The following RALGPS2 variants were observed in gnomAD, a reference collection of about 807,000 sequenced individuals.
The protein encoded by RALGPS2 is ras-specific guanine nucleotide-releasing factor RalGPS2.
RALGPS2 carries 43 observed loss-of-function variants against 86.8 expected under a neutral mutation model. The ratio of observed to expected loss-of-function variants is 0.50; its 90% confidence interval spans 0.39 to 0.64. RALGPS2 has a LOEUF of 0.64. Among genes scored for constraint, RALGPS2 ranks in the 30% least tolerant of loss-of-function variants. The pLI is 0.00. For missense variants in RALGPS2, 536 were observed against 694.6 expected (o/e 0.77, Z 2.57); for synonymous variants, 243 against 231.3 (o/e 1.05, Z -0.46).
At chr1:178,728,876 C>G (rs1157885309) in intron 1 of RALGPS2, among the ~76,000 whole-genome samples, 1 of 152,046 alleles carries the variant, frequency 6.6e-6, no homozygotes, top group Non-Finnish European at 1.5e-5. Flanking sequence ...GTTACATTTA[C>G]CTATTCTATG....
At chr1:178,770,474 TG>T (rs1434158721) in intron 1 of RALGPS2, among the ~76,000 whole-genome samples, 1 of 151,928 alleles carries the variant, frequency 6.6e-6, no homozygotes, top group Non-Finnish European at 1.5e-5. Flanking sequence ...ACTGTTTTCC[TG>T]AAATATTTAA....
At chr1:178,909,414 T>C (rs944300538) in intron 19 of RALGPS2, among the ~76,000 whole-genome samples, 1 of 152,044 alleles carries the variant, frequency 6.6e-6, no homozygotes, top group Non-Finnish European at 1.5e-5. Context: ...TTGTTGTTGT[T>C]GTTGTTGTTG....
At chr1:178,860,985 TGTA>T (rs1262314594) in intron 8 of RALGPS2, among the ~76,000 whole-genome samples, 13 of 152,104 alleles carry the variant, frequency 8.5e-5, no homozygotes, top group African/African-American at 3.1e-4. Flanking sequence ...TGTTGTTGCT[TGTA>T]GTAATTTAAT....
intron 8 of RALGPS2, among the ~76,000 whole-genome samples, chr1:178,836,721 C>G (rs1656288653): frequency 6.6e-6 from 1 of 152,152 alleles, no homozygotes; most frequent in Non-Finnish European, 1.5e-5. Context: ...CTTACTCTAC[C>G]TTTGTCTCTT....
intron 1 of RALGPS2, among the ~76,000 whole-genome samples, chr1:178,743,956 A>T (rs1330016066): frequency 6.6e-6 from 1 of 152,218 alleles, no homozygotes; most frequent in Non-Finnish European, 1.5e-5. Flanking sequence ...GACCAGTTCT[A>T]TACAAACACT....
intron 1 of RALGPS2, chr1:178,747,651 C>G (rs566021527): frequency 1.3e-6 from 2 of 1,548,742 alleles, no homozygotes; most frequent in African/African-American, 1.4e-5. Flanking sequence ...TATAATCATT[C>G]TCAGCATTTT....
At chr1:178,786,493 A>G (rs77798909) in intron 4 of RALGPS2, among the ~76,000 whole-genome samples, 1,764 of 152,104 alleles carry the variant, frequency 0.012, 49 homozygotes, top group African/African-American at 0.04. Flanking sequence ...TTATGCATCT[A>G]TCCACTATAA....
At chr1:178,756,674 A>G (rs1403352716) in intron 1 of RALGPS2, among the ~76,000 whole-genome samples, 1 of 152,152 alleles carries the variant, frequency 6.6e-6, no homozygotes, top group Admixed American at 6.5e-5. Flanking sequence ...ATTTTAGAGT[A>G]GTTTTTTTCT....
At chr1:178,767,042 G>GT (rs1463860750) in intron 1 of RALGPS2, among the ~76,000 whole-genome samples, 3 of 152,166 alleles carry the variant, frequency 2.0e-5, no homozygotes, top group African/African-American at 7.2e-5. Context: ...CTTGAAGTGA[G>GT]TTTTTCAGTT....
At chr1:178,755,505 G>A (rs1021220556) in intron 1 of RALGPS2, among the ~76,000 whole-genome samples, 1 of 152,114 alleles carries the variant, frequency 6.6e-6, no homozygotes, top group Non-Finnish European at 1.5e-5. Context: ...ATGTTGCTGC[G>A]AAGGACATGA....
Position 178,916,532 on chromosome 1 carries a change from C to T in RALGPS2, c.*173C>T, listed in dbSNP as rs903161353. ...ATTTCAGGGAATGATTTGAGATATT[C>T]CCAGAGAACAAATTGGAGTTGCAAA... On this transcript the variant is annotated 3_prime_UTR_variant, in exon 20 of 20. Coordinates refer to ENST00000367635, the MANE Select transcript of RALGPS2 (RefSeq NM_152663.5). 19 of 590,770 alleles carry T rather than the reference C, an allele frequency of 3.2e-5. No individual in the cohort carries two copies. The highest frequency in any genetic ancestry group is 1.0e-4 in the Admixed American group (3 of 29,024). 36.6% of individuals were successfully genotyped at this position (590,770 alleles called of 1,614,324 possible).
At chr1:178,727,715 C>G (rs773477309) in intron 1 of RALGPS2, among the ~76,000 whole-genome samples, 12 of 152,130 alleles carry the variant, frequency 7.9e-5, no homozygotes, top group Non-Finnish European at 1.5e-4. Context: ...TGTCCTGTTG[C>G]AACTTAAAAC....
chr1:178,857,044 A>T (rs753069804), intron 8 of RALGPS2, among the ~76,000 whole-genome samples: 2 of 152,192 alleles, frequency 1.3e-5, no homozygotes, highest in Non-Finnish European at 2.9e-5. Flanking sequence ...AGAAACATGC[A>T]TTGTAGTCAA....
At chr1:178,867,443 A>G (rs1471892623) in intron 8 of RALGPS2, among the ~76,000 whole-genome samples, 1 of 152,104 alleles carries the variant, frequency 6.6e-6, no homozygotes, top group Admixed American at 6.6e-5. Flanking sequence ...ATTTGCATTT[A>G]TAACACTGAA....
chr1:178,893,759 A>G (rs1478791928), intron 15 of RALGPS2, 160 bp from the exon 16 acceptor site: 16 of 520,626 alleles, frequency 3.1e-5, no homozygotes, highest in Non-Finnish European at 5.0e-5. Flanking sequence ...ACAGCTTATA[A>G]ATTTCAAGAT....
At chr1:178,844,908 G>A (rs564307277) in intron 8 of RALGPS2, among the ~76,000 whole-genome samples, 73 of 152,144 alleles carry the variant, frequency 4.8e-4, no homozygotes, top group African/African-American at 1.6e-3. Context: ...GGCTAGGTGC[G>A]GTGGTTCATG....
chr1:178,789,068 C>T (rs1345648299), intron 4 of RALGPS2, among the ~76,000 whole-genome samples: 14 of 151,930 alleles, frequency 9.2e-5, no homozygotes, highest in Admixed American at 3.3e-4. Context: ...CACCACGCCT[C>T]GCTAATTTTT....
At chr1:178,824,624 C>T (rs1398638361) in intron 7 of RALGPS2, among the ~76,000 whole-genome samples, 2 of 151,888 alleles carry the variant, frequency 1.3e-5, no homozygotes, top group Non-Finnish European at 1.5e-5. Context: ...CTGGCTAAAA[C>T]GGTGAAACCC....
At chr1:178,797,985 T>TAAAAAAAAAAAAA (rs57049056) in intron 4 of RALGPS2, among the ~76,000 whole-genome samples, 1 of 95,420 alleles carries the variant, frequency 1.0e-5, no homozygotes, top group Admixed American at 1.2e-4. Context: ...CAACAATTTG[T>TAAAAAAAAAAAAA]AAAAAAAAAA....
Sources: allele counts gnomAD v4.1 joint callset (sites outside exome capture counted in the v4.1 genomes callset), GRCh38; gene constraint gnomAD v4.1.1; transcripts MANE v1.5; gene names NCBI Gene and HGNC (gene_info 2026-07-23, HGNC 2026-07-21).